TMEM54: variants seen among roughly 807,000 people sequenced by gnomAD.
TMEM54 encodes beta-casein-like protein.
A neutral mutation model predicts 21.3 loss-of-function variants in TMEM54; 21 were observed. The ratio of observed to expected loss-of-function variants is 0.99; its 90% CI spans 0.70 to 1.42. The LOEUF (loss-of-function observed/expected upper bound fraction) is 1.42, where lower values mean the gene tolerates loss of function less well. Ranked by LOEUF, TMEM54 falls within the 40% of genes most tolerant of loss-of-function variation. TMEM54 has a pLI of 0.00. For synonymous variants in TMEM54, 109 were observed against 125.0 expected (o/e 0.87, Z 0.86); for missense variants, 246 against 294.0 (o/e 0.84, Z 1.19).
In TMEM54 at chr1:32,901,300, G is replaced by T; in HGVS notation, c.-62C>A. On this transcript the variant is annotated 5_prime_UTR_variant, in exon 1 of 6. Coordinates refer to ENST00000373463, the MANE Select transcript of TMEM54 (RefSeq NM_033504.4). This position sits in a 1 kb window ranked among gnomAD's most constrained non-coding sequence, Gnocchi z 4.2. ...CGGCTCCCGAGGCTGCGGGCCGCCG[G>T]GGGACCCTGCTCCCATCCCGCTGGC... 2.3e-6 allele frequency: 3 copies of T among 1,284,168 alleles called. No individual in the cohort carries two copies. Among genetic ancestry groups the T allele is most frequent in the Non-Finnish European group, 3.0e-6 (3 of 1,010,122 alleles). 79.5% of individuals were successfully genotyped at this position (1,284,168 alleles called of 1,614,324 possible). A position where few individuals can be genotyped will look rare whatever the true frequency, so the allele number is the denominator to read the frequency against.
intron 2 of TMEM54, 112 bp downstream of exon 2, chr1:32,898,014 A>C: frequency 1.0e-6 from 1 of 975,810 alleles, no homozygotes; most frequent in Non-Finnish European, 1.5e-6. Flanking sequence ...ACAAAGGGTT[A>C]GTCCTTGAGG....
At position 32,894,687 on chromosome 1, in the gene TMEM54, G is replaced by T; in HGVS notation, c.*118C>A. On this transcript the variant is annotated 3_prime_UTR_variant, in exon 6 of 6. Coordinates refer to ENST00000373463, the MANE Select transcript of TMEM54 (RefSeq NM_033504.4). Reference sequence around the variant, plus strand: ...GGGGAGAGGGTTGAAAGCCCCACTTGGGTCCCCGAGGGTCCATTGAGCCCT... The same window carrying T: ...GGGGAGAGGGTTGAAAGCCCCACTTTGGTCCCCGAGGGTCCATTGAGCCCT... 7.2e-7 allele frequency: 1 copy of T among 1,398,422 alleles called. No homozygotes were observed. The allele number at this position is 1,398,422 out of a possible 1,614,324, so 86.6% of individuals were successfully genotyped here. A position where few individuals can be genotyped will look rare whatever the true frequency, so the allele number is the denominator to read the frequency against.
At chr1:32,898,436 C>G in intron 1 of TMEM54, 117 bp from the exon 2 acceptor site, 1 of 1,002,646 alleles carries the variant, frequency 1.0e-6, no homozygotes. Context: ...TTCTGAATGA[C>G]TTGGAGCCAG....
intron 1 of TMEM54, among the ~76,000 whole-genome samples, chr1:32,900,927 GC>G (rs1329283215): frequency 6.6e-6 from 1 of 152,212 alleles, no homozygotes; most frequent in Non-Finnish European, 1.5e-5. Flanking sequence ...CTCCTCTGCC[GC>G]CCACCCGGGG....
In TMEM54 at chr1:32,895,813, G is replaced by A; in HGVS notation, c.271-70C>T. 7 of 1,552,634 alleles carry A rather than the reference G, an allele frequency of 4.5e-6. No individual in the cohort carries two copies. The highest frequency in any genetic ancestry group is 6.1e-6 in the Non-Finnish European group (7 of 1,148,300). On this transcript the variant is annotated intron_variant, in intron 3 of 5. Transcript: ENST00000373463. The surrounding 1 kb of genome is among the most constrained non-coding windows in gnomAD (Gnocchi z 5.8). ...CCATGGGCAGCTCTGGCCTCCCTGA[G>A]GGTCAGCCTTACCCTCTCCAAGGAG...
chr1:32,901,131 C>A lies in TMEM54; in HGVS notation c.16+92G>T. 1 of 1,307,912 alleles carries A rather than the reference C, an allele frequency of 7.6e-7. No individual in the cohort carries two copies. Among genetic ancestry groups the A allele is most frequent in the Non-Finnish European group, 9.9e-7 (1 of 1,007,110 alleles). The allele number at this position is 1,307,912 out of a possible 1,614,324, so 81.0% of individuals were successfully genotyped here. A position where few individuals can be genotyped will look rare whatever the true frequency, so the allele number is the denominator to read the frequency against. On this transcript the variant is annotated intron_variant, in intron 1 of 5. Coordinates refer to ENST00000373463, the MANE Select transcript of TMEM54 (RefSeq NM_033504.4). The surrounding 1 kb of genome is among the most constrained non-coding windows in gnomAD (Gnocchi z 4.2). ...GTTAGAGGCAGAGCAGGTGGCCTGG[C>A]CCCCTGGGGGCTCGGGTTCCGGGCT...
chr1:32,894,650 G>T lies in TMEM54; in HGVS notation c.*155C>A. On this transcript the variant is annotated 3_prime_UTR_variant, in exon 6 of 6. Coordinates refer to ENST00000373463, the MANE Select transcript of TMEM54 (RefSeq NM_033504.4). Reference sequence around the variant, plus strand: ...AATAAAGTCTCATTTCAGTGCAGTGGGCTGGGTGGTGGGGGAGAGGGTTGA... The same window carrying T: ...AATAAAGTCTCATTTCAGTGCAGTGTGCTGGGTGGTGGGGGAGAGGGTTGA... The T allele has an allele frequency of 1.1e-6, 1 of 908,254 alleles. No individual in the cohort carries two copies. The highest frequency in any genetic ancestry group is 1.7e-6 in the Non-Finnish European group (1 of 596,096). 56.3% of individuals were successfully genotyped at this position (908,254 alleles called of 1,614,324 possible).
In TMEM54 at chr1:32,896,069, A is replaced by G; in HGVS notation, c.211-100T>C. On this transcript the variant is annotated intron_variant, in intron 2 of 5. Coordinates refer to ENST00000373463, the MANE Select transcript of TMEM54 (RefSeq NM_033504.4). The surrounding 1 kb of genome is among the most constrained non-coding windows in gnomAD (Gnocchi z 4.1). Reference sequence around the variant, plus strand: ...GATAATGATCTCACCGGCGCCAACCATTGCCCTCCAGACTCCCCCACCCCT... The same window carrying G: ...GATAATGATCTCACCGGCGCCAACCGTTGCCCTCCAGACTCCCCCACCCCT... 2 of 1,326,136 alleles carry G rather than the reference A, an allele frequency of 1.5e-6. No homozygotes were observed. Among genetic ancestry groups the G allele is most frequent in the African/African-American group, 2.9e-5 (2 of 68,786 alleles). 82.1% of individuals were successfully genotyped at this position (1,326,136 alleles called of 1,614,324 possible). A position where few individuals can be genotyped will look rare whatever the true frequency, so the allele number is the denominator to read the frequency against.
intron 5 of TMEM54, 67 bp from the exon 6 acceptor site, chr1:32,894,946 CGGGAAATGG>C: frequency 6.3e-7 from 1 of 1,578,676 alleles, no homozygotes. Flanking sequence ...CCAGGACATC[CGGGAAATGG>C]AAGGAGGTGA....
chr1:32,897,820 G>A lies in TMEM54; in HGVS notation c.210+306C>T, dbSNP rs922323585. ...TCCAGTGGTGCTGTGGCTATTCCTC[G>A]ATGTAATAATCATCCTAGCTCACAG... On this transcript the variant is annotated intron_variant, in intron 2 of 5. Coordinates refer to ENST00000373463, the MANE Select transcript of TMEM54 (RefSeq NM_033504.4). The surrounding 1 kb of genome is among the most constrained non-coding windows in gnomAD (Gnocchi z 4.9). The A allele has an allele frequency of 1.9e-5, 5 of 263,952 alleles. No homozygotes were observed. Among genetic ancestry groups the A allele is most frequent in the Non-Finnish European group, 3.6e-5 (5 of 137,882 alleles). 16.4% of individuals were successfully genotyped at this position (263,952 alleles called of 1,614,324 possible).
rs767431481 is a variant in TMEM54, at chr1:32,901,265, G to C, written c.-27C>G. On this transcript the variant is annotated 5_prime_UTR_variant, in exon 1 of 6. Transcript: ENST00000373463. The surrounding 1 kb of genome is among the most constrained non-coding windows in gnomAD (Gnocchi z 4.2). ...TCGGCTCCGCGCTGGTCCCGCCCCCGGCTTCAGCGCGGCTCCCGAGGCTGC... is the reference window on the plus strand; with the variant it reads ...TCGGCTCCGCGCTGGTCCCGCCCCCCGCTTCAGCGCGGCTCCCGAGGCTGC... 7.1e-7 allele frequency: 1 copy of C among 1,401,180 alleles called. No individual in the cohort carries two copies. Among genetic ancestry groups the C allele is most frequent in the African/African-American group, 1.5e-5 (1 of 68,724 alleles). The allele number at this position is 1,401,180 out of a possible 1,614,324, so 86.8% of individuals were successfully genotyped here.
In TMEM54 at chr1:32,901,370, C is replaced by G; in HGVS notation, c.-132G>C. ...CACCGTCGCGCTCGCCCACTTCCCG[C>G]CCGGAGCCCGGGGCTGGGCGGCGCC... On this transcript the variant is annotated 5_prime_UTR_variant, in exon 1 of 6. Transcript: ENST00000373463. This position sits in a 1 kb window ranked among gnomAD's most constrained non-coding sequence, Gnocchi z 4.2. The G allele has an allele frequency of 1.1e-6, 1 of 902,330 alleles. No homozygotes were observed. Among genetic ancestry groups the G allele is most frequent in the Non-Finnish European group, 1.4e-6 (1 of 712,260 alleles). The allele number at this position is 902,330 out of a possible 1,614,324, so 55.9% of individuals were successfully genotyped here.
In TMEM54 at chr1:32,898,152, T is replaced by C. The variant is rs1641641628; in HGVS notation, c.184A>G (p.Ile62Val). 6.2e-7 allele frequency: 1 copy of C among 1,600,674 alleles called. No individual in the cohort carries two copies. Among genetic ancestry groups the C allele is most frequent in the African/African-American group, 1.3e-5 (1 of 74,666 alleles). The change falls in exon 2 of 6, where the codon ATC becomes GTC. Residue 62 changes from isoleucine (I) to valine (V), a missense_variant. Coordinates refer to ENST00000373463, the MANE Select transcript of TMEM54 (RefSeq NM_033504.4). ...ACGATGGCGGAAGTGACAGAGAGGA[T>C]GTTGACCACGCAGTACTGCAGAGCC... ...AVALQYCVVNILSVTSAIVVI... is the reference protein window; with the variant it reads ...AVALQYCVVNVLSVTSAIVVI...
chr1:32,895,573 G>C lies in TMEM54; in HGVS notation c.441C>G (p.Phe147Leu). The stretch of plus-strand genomic sequence containing the variant: ...TACTCACATAAATGCGTGTGGGGTC[G>C]AAGGGACAGTCAGGTGCGAGGGCCA... ...ELLALAPDCP[F>L]DPTRIYSSSL... The change falls in exon 4 of 6, where the codon TTC becomes TTG. Residue 147 changes from phenylalanine (F) to leucine (L), a missense_variant. Transcript: ENST00000373463. The surrounding 1 kb of genome is among the most constrained non-coding windows in gnomAD (Gnocchi z 5.8). 1 of 1,591,584 alleles carries C rather than the reference G, an allele frequency of 6.3e-7. No homozygotes were observed. Among genetic ancestry groups the C allele is most frequent in the Non-Finnish European group, 8.6e-7 (1 of 1,169,180 alleles).
chr1:32,899,332 C>A (rs2124053659), intron 1 of TMEM54, among the ~76,000 whole-genome samples: 1 of 151,774 alleles, frequency 6.6e-6, no homozygotes, highest in South Asian at 2.1e-4. Context: ...CTAGACCTCC[C>A]TCTCCTCATC....
chr1:32,901,101 A>T lies in TMEM54; in HGVS notation c.16+122T>A. 9.2e-7 allele frequency: 1 copy of T among 1,082,928 alleles called. No homozygotes were observed. The highest frequency in any genetic ancestry group is 1.2e-6 in the Non-Finnish European group (1 of 828,828). The allele number at this position is 1,082,928 out of a possible 1,614,324, so 67.1% of individuals were successfully genotyped here. ...GAAAGTGACCCGACCCCGGCCTCGT[A>T]GTAAGTTAGAGGCAGAGCAGGTGGC... On this transcript the variant is annotated intron_variant, in intron 1 of 5. Transcript: ENST00000373463. The surrounding 1 kb of genome is among the most constrained non-coding windows in gnomAD (Gnocchi z 4.2).
chr1:32,894,907 C>G, intron 5 of TMEM54, 28 bp from the exon 6 acceptor site: 1 of 1,600,976 alleles, frequency 6.2e-7, no homozygotes, highest in Non-Finnish European at 8.6e-7. Context: ...GCTGCCAGAC[C>G]CACTGGTTCT....
At chr1:32,900,937 G>A (rs1224153387) in intron 1 of TMEM54, among the ~76,000 whole-genome samples, 1 of 152,226 alleles carries the variant, frequency 6.6e-6, no homozygotes, top group African/African-American at 2.4e-5. Flanking sequence ...GCCCACCCGG[G>A]GGTCCCCGAG....
Position 32,895,275 on chromosome 1 carries a change from C to A in TMEM54, c.594+30G>T. 1 of 1,583,510 alleles carries A rather than the reference C, an allele frequency of 6.3e-7. No individual in the cohort carries two copies. Among genetic ancestry groups the A allele is most frequent in the Non-Finnish European group, 8.6e-7 (1 of 1,159,264 alleles). ...CCCTGGCAGGGGCTCCCAGGAAATT[C>A]GGGGAGTCAGGGCTGTGGAGGGAAC... is the stretch of plus-strand genomic sequence containing the variant. On this transcript the variant is annotated intron_variant, in intron 5 of 5. Coordinates refer to ENST00000373463, the MANE Select transcript of TMEM54 (RefSeq NM_033504.4). The surrounding 1 kb of genome is among the most constrained non-coding windows in gnomAD (Gnocchi z 5.8).
Sources: allele counts gnomAD v4.1 joint callset (sites outside exome capture counted in the v4.1 genomes callset), GRCh38; gene constraint gnomAD v4.1.1; non-coding constraint Gnocchi (gnomAD v3.1); transcripts MANE v1.5; gene names NCBI Gene and HGNC (gene_info 2026-07-23, HGNC 2026-07-21).